IL1RAPL2: variants seen among roughly 807,000 people sequenced by gnomAD.
The protein encoded by IL1RAPL2 is interleukin 1 receptor accessory protein like 2.
IL1RAPL2 carries 3 observed loss-of-function variants against 44.1 expected under a neutral mutation model. The ratio of observed to expected loss-of-function variants is 0.07; its 90% confidence interval spans 0.03 to 0.18. The LOEUF (loss-of-function observed/expected upper bound fraction) is 0.18, where lower values mean the gene tolerates loss of function less well. IL1RAPL2 is among the 10% of genes least tolerant of loss of function. IL1RAPL2 has a pLI of 1.00. For missense variants in IL1RAPL2, 391 were observed against 496.4 expected, an observed-to-expected ratio of 0.79 and a Z score of 2.02; for synonymous variants, 181 against 178.8, an observed-to-expected ratio of 1.01 and a Z score of -0.10.
chrX:105,426,908 A>G (rs983238898), intron 5 of IL1RAPL2, among the ~76,000 whole-genome samples: 4 of 112,231 alleles, frequency 3.6e-5, no homozygotes, highest in Middle Eastern at 9.3e-3. Flanking sequence ...TTACACTTCA[A>G]TGATTTGAAA....
At chrX:104,716,229 T>C (rs186433689) in intron 2 of IL1RAPL2, among the ~76,000 whole-genome samples, 69 of 111,726 alleles carry the variant, frequency 6.2e-4, no homozygotes, top group Non-Finnish European at 1.2e-3. Flanking sequence ...ACTAACGATA[T>C]GCAGAAGATT....
intron 6 of IL1RAPL2, among the ~76,000 whole-genome samples, chrX:105,589,312 A>G (rs1394502777): frequency 1.8e-5 from 2 of 110,918 alleles, no homozygotes; most frequent in African/African-American, 6.6e-5. Context: ...AGTTGGCAAA[A>G]ATTTTCTCCT....
Position 105,639,754 on chromosome X carries a change from C to T in IL1RAPL2, c.773-77613C>T, listed in dbSNP as rs182065428. Among the ~76,000 whole-genome samples the T allele has an allele frequency of 9.0e-3, 1,003 of 111,089 alleles. 3 individuals are homozygous for T. Among genetic ancestry groups the T allele is most frequent in the Non-Finnish European group, 0.015 (793 of 52,973 alleles). On this transcript the variant is annotated intron_variant, in intron 6 of 10. Coordinates refer to ENST00000372582, the MANE Select transcript of IL1RAPL2 (RefSeq NM_017416.2). ...TCCCCTTATTAGGCTACTCTCCTTA[C>T]CTTTCCTTTCCTCCCTGCACCAAAA... is the stretch of plus-strand genomic sequence containing the variant.
chrX:104,875,305 T>C (rs2147654639), intron 2 of IL1RAPL2, among the ~76,000 whole-genome samples: 1 of 111,960 alleles, frequency 8.9e-6, no homozygotes, highest in South Asian at 3.8e-4. Context: ...TATTGGTTTA[T>C]TGAGTATCTA....
chrX:104,742,429 T>C (rs1161296741), intron 2 of IL1RAPL2, among the ~76,000 whole-genome samples: 1 of 111,541 alleles, frequency 9.0e-6, no homozygotes, highest in Non-Finnish European at 1.9e-5. Flanking sequence ...CTGAATTATG[T>C]TTCTCTGGCC....
rs146309127 is a variant in IL1RAPL2 at position 105,173,161 on chromosome X, C to A, written c.83-22314C>A. Among the ~76,000 whole-genome samples the A allele has an allele frequency of 6.0e-3, 671 of 111,070 alleles. 6 individuals are homozygous for A. Among genetic ancestry groups the A allele is most frequent in the African/African-American group, 0.021 (629 of 30,477 alleles). ...AACAGAGTATGCAGAGCTGTCCTCC[C>A]CACCTGGCCACCTACATGGAAATAT... On this transcript the variant is annotated intron_variant, in intron 2 of 10. Transcript: ENST00000372582.
chrX:104,814,344 A>G (rs1027615446), intron 2 of IL1RAPL2, among the ~76,000 whole-genome samples: 1 of 112,213 alleles, frequency 8.9e-6, no homozygotes, highest in Non-Finnish European at 1.9e-5. Context: ...TAATAACCAT[A>G]TGATTTGCCT....
intron 6 of IL1RAPL2, among the ~76,000 whole-genome samples, chrX:105,667,293 G>T (rs1024796160): frequency 8.9e-6 from 1 of 111,937 alleles, no homozygotes; most frequent in Non-Finnish European, 1.9e-5. Context: ...TCAGGACCGG[G>T]TAAAGCAGTT....
intron 6 of IL1RAPL2, among the ~76,000 whole-genome samples, chrX:105,695,589 C>T (rs1209820210): frequency 9.0e-6 from 1 of 111,179 alleles, no homozygotes; most frequent in Non-Finnish European, 1.9e-5. Context: ...TGCATAGAAA[C>T]TCATGGTGTG....
intron 1 of IL1RAPL2, among the ~76,000 whole-genome samples, chrX:104,629,885 T>C (rs1181435425): frequency 8.9e-6 from 1 of 112,405 alleles, no homozygotes; most frequent in Non-Finnish European, 1.9e-5. Context: ...CATTGGTCTA[T>C]GTGTCTGTTT....
chrX:104,589,063 A>G (rs929146201), intron 1 of IL1RAPL2, among the ~76,000 whole-genome samples: 12 of 111,732 alleles, frequency 1.1e-4, no homozygotes, highest in African/African-American at 3.3e-4. Flanking sequence ...GGAGGTTGCA[A>G]ATTTTTTTGT....
chrX:105,357,087 A>G (rs2035208986), intron 5 of IL1RAPL2, among the ~76,000 whole-genome samples: 1 of 111,454 alleles, frequency 9.0e-6, no homozygotes, highest in African/African-American at 3.3e-5. Flanking sequence ...TTACATTAAA[A>G]CCACAGTTTT....
At chrX:105,043,158 A>G (rs1322157579) in intron 2 of IL1RAPL2, among the ~76,000 whole-genome samples, 2 of 108,540 alleles carry the variant, frequency 1.8e-5, no homozygotes, top group East Asian at 5.9e-4. Context: ...CAGCGCACCA[A>G]CATGTCACAT....
intron 2 of IL1RAPL2, among the ~76,000 whole-genome samples, chrX:104,930,020 G>C (rs183250274): frequency 4.5e-5 from 5 of 111,233 alleles, no homozygotes; most frequent in African/African-American, 6.5e-5. Flanking sequence ...GTTCTTTTTC[G>C]ACATTAACTC....
At chrX:104,893,888 T>C (rs1454444785) in intron 2 of IL1RAPL2, among the ~76,000 whole-genome samples, 2 of 112,119 alleles carry the variant, frequency 1.8e-5, no homozygotes, top group African/African-American at 3.2e-5. Context: ...GCCTGGATGG[T>C]CTTTAAAATT....
chrX:105,020,420 G>A (rs2031264931), intron 2 of IL1RAPL2, among the ~76,000 whole-genome samples: 1 of 112,119 alleles, frequency 8.9e-6, no homozygotes, highest in Non-Finnish European at 1.9e-5. Context: ...TTCTGCTGCT[G>A]TTGTTGTGAC....
chrX:105,291,529 C>CT lies in IL1RAPL2; in HGVS notation c.697+23991dup, dbSNP rs1365278114. ...AAGAATTATTGATGAAGTCACTTAG[C>CT]TTTATTAAGGAAGTGAAAAGAAAAT... On this transcript the variant is annotated intron_variant, in intron 5 of 10. Transcript: ENST00000372582. Among the ~76,000 whole-genome samples, 13 of 111,467 alleles carry CT rather than the reference C, an allele frequency of 1.2e-4. No homozygotes were observed. In the Admixed American group the frequency reaches 1.2e-3, roughly 11 times the overall value.
chrX:104,756,968 G>A (rs768752361), intron 2 of IL1RAPL2, among the ~76,000 whole-genome samples: 97 of 110,604 alleles, frequency 8.8e-4, no homozygotes, highest in Non-Finnish European at 1.6e-3. Context: ...GAAAAGATGA[G>A]GTCAGAGAGG....
intron 2 of IL1RAPL2, among the ~76,000 whole-genome samples, chrX:105,015,263 CCTGTTCAAT>C (rs1344335684): frequency 9.0e-6 from 1 of 110,518 alleles, no homozygotes; most frequent in African/African-American, 3.3e-5. Context: ...CTGTAGGTTG[CCTGTTCAAT>C]CTGATGATAG....
Sources: gnomAD v4.1 joint callset for allele counts (sites outside exome capture counted in the v4.1 genomes callset) on GRCh38, gnomAD v4.1.1 for gene constraint, MANE v1.5 for transcripts, NCBI Gene and HGNC (gene_info 2026-07-23, HGNC 2026-07-21) for gene names.